Variants in CALN1 observed in about 807,000 individuals in gnomAD.
The protein encoded by CALN1 is calcium-binding protein 8.
A neutral mutation model predicts 30.6 loss-of-function variants in CALN1; 17 were observed. The ratio of observed to expected loss-of-function variants is 0.56; its 90% confidence interval spans 0.38 to 0.83. CALN1 has a LOEUF of 0.83. Among genes scored for constraint, CALN1 ranks in the 40% least tolerant of loss-of-function variants. The pLI, the probability that CALN1 is intolerant of heterozygous loss-of-function variation, is 0.00. For missense variants in CALN1, 291 were observed against 354.9 expected (o/e 0.82, Z 1.45); for synonymous variants, 156 against 131.4 (o/e 1.19, Z -1.28).
intron 5 of CALN1, among the ~76,000 whole-genome samples, chr7:71,843,617 T>G (rs1790069532): frequency 6.6e-6 from 1 of 152,098 alleles, no homozygotes; most frequent in South Asian, 2.1e-4. Context: ...AGCAAGACAC[T>G]GTCTCTAAAA....
At chr7:71,905,613 T>A (rs1175035304) in intron 5 of CALN1, among the ~76,000 whole-genome samples, 3 of 152,064 alleles carry the variant, frequency 2.0e-5, no homozygotes, top group Admixed American at 2.0e-4. Context: ...TCTGGAGACC[T>A]TGGCAAGACA....
chr7:72,440,242 G>A (rs933729208), intron 1 of CALN1, among the ~76,000 whole-genome samples: 3 of 152,198 alleles, frequency 2.0e-5, no homozygotes, highest in African/African-American at 4.8e-5. Context: ...TCCTGGTTAG[G>A]TAGCACCCAG....
At chr7:72,256,337 G>A (rs553754374) in intron 3 of CALN1, among the ~76,000 whole-genome samples, 2 of 152,232 alleles carry the variant, frequency 1.3e-5, no homozygotes, top group South Asian at 4.1e-4. Flanking sequence ...ACATGGGCCT[G>A]TGGTCCCAGC....
chr7:72,293,614 C>G (rs11762676), intron 2 of CALN1, among the ~76,000 whole-genome samples: 46,731 of 151,696 alleles, frequency 0.31, 7,706 homozygotes, highest in Non-Finnish European at 0.36. Flanking sequence ...CAGATAAATC[C>G]GTAAGAAAGC....
intron 3 of CALN1, among the ~76,000 whole-genome samples, chr7:72,133,501 A>G (rs538159031): frequency 2.1e-4 from 32 of 152,370 alleles, no homozygotes; most frequent in Non-Finnish European, 4.0e-4. Context: ...TATGATTATC[A>G]TATGGTTACA....
chr7:72,411,786 G>A (rs146094933), intron 1 of CALN1, among the ~76,000 whole-genome samples: 4 of 150,996 alleles, frequency 2.6e-5, no homozygotes, highest in East Asian at 1.9e-4. Flanking sequence ...AAGGAATAAA[G>A]TAATTACTCT....
chr7:72,399,269 G>GTTT (rs1562948370), intron 2 of CALN1, among the ~76,000 whole-genome samples: 1 of 84,876 alleles, frequency 1.2e-5, no homozygotes, highest in Non-Finnish European at 2.2e-5. Context: ...CTAACCTATT[G>GTTT]CTTTTTTTTT....
intron 6 of CALN1, among the ~76,000 whole-genome samples, chr7:71,790,931 A>C (rs1205064153): frequency 6.6e-6 from 1 of 152,126 alleles, no homozygotes; most frequent in Non-Finnish European, 1.5e-5. Context: ...CTTTACATTC[A>C]GCTGTTAAAG....
intron 3 of CALN1, among the ~76,000 whole-genome samples, chr7:72,122,248 T>C (rs1808448580): frequency 1.3e-5 from 2 of 152,122 alleles, no homozygotes. Context: ...CAAACGTTAA[T>C]ATACGGAGAT....
intron 4 of CALN1, among the ~76,000 whole-genome samples, chr7:72,092,998 C>T (rs1805977380): frequency 6.6e-6 from 1 of 152,050 alleles, no homozygotes; most frequent in African/African-American, 2.4e-5. Flanking sequence ...TGGTTTTAAG[C>T]CACTGCTATT....
At chr7:72,269,432 C>T (rs1462159192) in intron 3 of CALN1, among the ~76,000 whole-genome samples, 2 of 151,758 alleles carry the variant, frequency 1.3e-5, no homozygotes, top group African/African-American at 4.8e-5. Context: ...TTGTTCAATT[C>T]CCACCTATGA....
intron 3 of CALN1, among the ~76,000 whole-genome samples, chr7:72,254,106 T>C (rs912083839): frequency 2.0e-5 from 3 of 152,086 alleles, no homozygotes; most frequent in African/African-American, 7.2e-5. Context: ...TGGCTCTGAC[T>C]ATTGGGTAGC....
intron 2 of CALN1, among the ~76,000 whole-genome samples, chr7:72,395,414 A>C (rs1805863188): frequency 6.6e-6 from 1 of 152,176 alleles, no homozygotes; most frequent in South Asian, 2.1e-4. Flanking sequence ...ATTTGGAAAA[A>C]CTGAGATAAA....
At chr7:72,205,683 T>A (rs1351284394) in intron 3 of CALN1, among the ~76,000 whole-genome samples, 2 of 149,914 alleles carry the variant, frequency 1.3e-5, no homozygotes, top group African/African-American at 4.9e-5. Context: ...TTAAGTTTTG[T>A]AACATCAAAT....
chr7:71,993,444 C>A lies in CALN1; in HGVS notation c.501+30213G>T, dbSNP rs191149425. On this transcript the variant is annotated intron_variant, in intron 5 of 6. Transcript: ENST00000395275. ...TTGCACCGCTGCACCCCAGCCTGGGCAACAATGAGGCTTTTTTTTTTTTTT... is the reference window on the plus strand; with the variant it reads ...TTGCACCGCTGCACCCCAGCCTGGGAAACAATGAGGCTTTTTTTTTTTTTT... Among the ~76,000 whole-genome samples, 957 of 146,954 alleles carry A rather than the reference C, an allele frequency of 6.5e-3. 10 individuals carry two copies. The highest frequency in any genetic ancestry group is 0.023 in the African/African-American group (917 of 40,404).
At chr7:72,397,368 A>C (rs923219444) in intron 2 of CALN1, among the ~76,000 whole-genome samples, 13 of 152,140 alleles carry the variant, frequency 8.5e-5, no homozygotes, top group African/African-American at 3.1e-4. Flanking sequence ...AGGCCACAGG[A>C]GTCAAAGTCA....
chr7:71,953,844 T>C (rs989399620), intron 5 of CALN1, among the ~76,000 whole-genome samples: 3 of 151,970 alleles, frequency 2.0e-5, no homozygotes, highest in African/African-American at 7.2e-5. Flanking sequence ...AGGAGGCACC[T>C]GTCTCCTGGG....
intron 1 of CALN1, among the ~76,000 whole-genome samples, chr7:72,404,886 A>C (rs1454369032): frequency 1.3e-5 from 2 of 152,228 alleles, no homozygotes; most frequent in East Asian, 3.9e-4. Context: ...CTCAAATGAA[A>C]GAGGCTCAGC....
rs192784209 is a variant in CALN1, at chr7:72,381,637, G to A, written c.119+21614C>T. ...ACACCCCGTGTTCTCACTCATAAGCGGGAGCTGAATAATGAGAACGTATGG... is the reference window on the plus strand; with the variant it reads ...ACACCCCGTGTTCTCACTCATAAGCAGGAGCTGAATAATGAGAACGTATGG... On this transcript the variant is annotated intron_variant, in intron 2 of 6. Coordinates refer to ENST00000395275, the MANE Select transcript of CALN1 (RefSeq NM_031468.4). 1.2e-4 allele frequency among the ~76,000 whole-genome samples: 19 copies of A among 152,270 alleles called. No homozygotes were observed. In the East Asian group the frequency reaches 1.9e-3, roughly 15 times the overall value.
Sources: gnomAD v4.1 joint callset for allele counts (sites outside exome capture counted in the v4.1 genomes callset) on GRCh38, gnomAD v4.1.1 for gene constraint, MANE v1.5 for transcripts, NCBI Gene and HGNC (gene_info 2026-07-23, HGNC 2026-07-21) for gene names.